The following DNAH9 variants were observed in gnomAD, a reference collection of about 807,000 sequenced individuals.
The protein encoded by DNAH9 is DNAH9 variant protein.
Under a neutral mutation model 471.6 loss-of-function variants are expected in DNAH9, and 345 were observed. The observed-to-expected ratio is 0.73, with a 90% CI of 0.67 to 0.80. DNAH9 has a LOEUF of 0.80. Ranked by LOEUF, DNAH9 falls within the 30% of genes least tolerant of loss-of-function variation. DNAH9 has a pLI of 0.00. For missense variants in DNAH9, 5,407 were observed against 5,609.2 expected, an observed-to-expected ratio of 0.96 and a Z score of 1.15; for synonymous variants, 2,093 against 2,123.6, an observed-to-expected ratio of 0.99 and a Z score of 0.40.
intron 67 of DNAH9, among the ~76,000 whole-genome samples, chr17:11,954,595 C>T (rs1975544551): frequency 6.6e-6 from 1 of 151,392 alleles, no homozygotes; most frequent in African/African-American, 2.4e-5. Context: ...AAATAGCTTT[C>T]AAAAAAGAAA....
rs2072769948 is a variant in DNAH9, at chr17:11,617,464, CTGGAAGCTCT to C, written c.959_968del (p.Leu320ArgfsTer9). 6.2e-7 allele frequency: 1 copy of C among 1,614,104 alleles called. No individual in the cohort carries two copies. The highest frequency in any genetic ancestry group is 1.3e-5 in the African/African-American group (1 of 74,944). ...GCACCTGATACCGCTCCAGCGCCAC[CTGGAAGCTCT>C]GGAGAATGCAGAATTTCCGGAGGTG... On this transcript the variant is annotated frameshift_variant, in exon 5 of 69. Transcript: ENST00000262442. LOFTEE classifies it high-confidence loss of function.
chr17:11,685,801 A>ATTT (rs66577382), intron 19 of DNAH9, among the ~76,000 whole-genome samples: 28 of 123,582 alleles, frequency 2.3e-4, no homozygotes, highest in East Asian at 5.0e-4. Flanking sequence ...GGATACATTA[A>ATTT]TTTTTTTTTT....
At chr17:11,770,011 G>A (rs1476049039) in intron 38 of DNAH9, among the ~76,000 whole-genome samples, 1 of 152,228 alleles carries the variant, frequency 6.6e-6, no homozygotes, top group Non-Finnish European at 1.5e-5. Flanking sequence ...TGAGGGGAGA[G>A]GCAGGGCTGG....
At chr17:11,863,557 C>T (rs1241759990) in intron 50 of DNAH9, among the ~76,000 whole-genome samples, 1 of 151,926 alleles carries the variant, frequency 6.6e-6, no homozygotes, top group Non-Finnish European at 1.5e-5. Context: ...GGGAGGATTC[C>T]CTCTTTTTCT....
intron 44 of DNAH9, among the ~76,000 whole-genome samples, chr17:11,809,921 A>C (rs892652888): frequency 6.6e-6 from 1 of 152,140 alleles, no homozygotes; most frequent in African/African-American, 2.4e-5. Context: ...CTCTTTGCAC[A>C]AAGCAGGAGC....
chr17:11,713,757 A>T (rs926967806), intron 26 of DNAH9, among the ~76,000 whole-genome samples: 1 of 152,152 alleles, frequency 6.6e-6, no homozygotes, highest in African/African-American at 2.4e-5. Context: ...CATTCTACTC[A>T]TTTACTACCC....
At chr17:11,780,815 A>G (rs1185343074) in intron 38 of DNAH9, among the ~76,000 whole-genome samples, 194 bp from the exon 39 acceptor site, 3 of 152,208 alleles carry the variant, frequency 2.0e-5, no homozygotes, top group Admixed American at 1.3e-4. Flanking sequence ...CTGCCTAGTA[A>G]TTTCAGTTTC....
At chr17:11,687,819 C>A (rs1422259148) in intron 19 of DNAH9, among the ~76,000 whole-genome samples, 1 of 151,950 alleles carries the variant, frequency 6.6e-6, no homozygotes, top group Non-Finnish European at 1.5e-5. Flanking sequence ...AACACTAGGG[C>A]TATGAGTGCC....
chr17:11,800,687 G>A lies in DNAH9; in HGVS notation c.8420+2894G>A, dbSNP rs559432808. Among the ~76,000 whole-genome samples, 9 of 152,200 alleles carry A rather than the reference G, an allele frequency of 5.9e-5. No homozygotes were observed. The South Asian group carries it at 1.5e-3, about 25-fold the overall frequency. ...CACCTCTGTAGTGAGGTGACCACAC[G>A]TCTTGCTGAAGTCAGTTTTCACTGC... is the stretch of plus-strand genomic sequence containing the variant. On this transcript the variant is annotated intron_variant, in intron 43 of 68. Transcript: ENST00000262442.
chr17:11,735,690 C>T (rs1567760374), intron 28 of DNAH9, among the ~76,000 whole-genome samples: 4 of 152,194 alleles, frequency 2.6e-5, no homozygotes, highest in Non-Finnish European at 5.9e-5. Context: ...CCGCCTCGGC[C>T]TCCCAAAGTG....
At chr17:11,613,165 T>A (rs1292943101) in intron 4 of DNAH9, among the ~76,000 whole-genome samples, 1 of 152,198 alleles carries the variant, frequency 6.6e-6, no homozygotes, top group Non-Finnish European at 1.5e-5. Flanking sequence ...TGGGACCAAG[T>A]GTCTCTTGAG....
chr17:11,814,254 C>T (rs1339478033), intron 45 of DNAH9, among the ~76,000 whole-genome samples: 1 of 152,190 alleles, frequency 6.6e-6, no homozygotes, highest in East Asian at 1.9e-4. Context: ...GAATTATTCC[C>T]TGGCTTTCCA....
rs1287261324 is a variant in DNAH9 at position 11,892,718 on chromosome 17, T to G, written c.11283+771T>G. Among the ~76,000 whole-genome samples, 1 of 151,682 alleles carries G rather than the reference T, an allele frequency of 6.6e-6. No homozygotes were observed. The stretch of plus-strand genomic sequence containing the variant: ...GGTGTGCGCCACCAGGCCCAGCGAA[T>G]TTTTTTTGTATTTTAAGTAGAGATG... On this transcript the variant is annotated intron_variant, in intron 58 of 68. Coordinates refer to ENST00000262442, the MANE Select transcript of DNAH9 (RefSeq NM_001372.4). This position sits in a 1 kb window ranked among gnomAD's most constrained non-coding sequence, Gnocchi z 4.3.
chr17:11,905,048 A>G (rs1973543450), intron 60 of DNAH9, among the ~76,000 whole-genome samples: 1 of 151,928 alleles, frequency 6.6e-6, no homozygotes, highest in African/African-American at 2.4e-5. Context: ...CCTGGCCAAC[A>G]TGGTGAAACC....
intron 57 of DNAH9, among the ~76,000 whole-genome samples, chr17:11,888,130 C>T (rs1417721103): frequency 6.6e-6 from 1 of 151,712 alleles, no homozygotes; most frequent in Non-Finnish European, 1.5e-5. Context: ...CTACAGGTGC[C>T]CACCACCGCA....
rs749667802 is a variant in DNAH9, at chr17:11,834,645, A to G, written c.9254A>G (p.Asp3085Gly). Residue 3085 changes from aspartate (D) to glycine (G), a missense_variant, in exon 49 of 69, where the codon GAT becomes GGT. This residue lies in a region of DNAH9 where 4,636 missense variants were observed against 4,900.3 expected (regional missense o/e 0.95). Transcript: ENST00000262442. ...CGTGCTTCTCCAATGCAGGTGGATGATCTGAAAGCAAAGCTGGCTGCCCAG... is the reference window on the plus strand; with the variant it reads ...CGTGCTTCTCCAATGCAGGTGGATGGTCTGAAAGCAAAGCTGGCTGCCCAG... ...KLHSTSAQVD[D>G]LKAKLAAQEV... The G allele has an allele frequency of 3.1e-6, 5 of 1,613,904 alleles. No homozygotes were observed. The highest frequency in any genetic ancestry group is 2.2e-5 in the South Asian group (2 of 91,032).
intron 45 of DNAH9, among the ~76,000 whole-genome samples, chr17:11,811,025 C>A (rs778426160): frequency 2.6e-5 from 4 of 152,152 alleles, no homozygotes; most frequent in Admixed American, 6.5e-5. Flanking sequence ...CGTATACCAA[C>A]AATCCCCCAC....
intron 29 of DNAH9, among the ~76,000 whole-genome samples, chr17:11,739,864 A>G (rs1168106530): frequency 6.6e-6 from 1 of 152,194 alleles, no homozygotes; most frequent in East Asian, 1.9e-4. Flanking sequence ...ACTTTTACCT[A>G]AGTGAGATAG....
rs1404986645 is a variant in DNAH9, at chr17:11,606,443, C to CTTTTTTTTTTTT, written c.418-1682_418-1681insTTTTTTTTTTTT. Among the ~76,000 whole-genome samples, 422 of 69,108 alleles carry CTTTTTTTTTTTT rather than the reference C, an allele frequency of 6.1e-3. 34 individuals carry two copies. The highest frequency in any genetic ancestry group is 0.013 in the East Asian group (23 of 1,730). 45.3% of individuals were successfully genotyped at this position (69,108 alleles called of 152,430 possible). On this transcript the variant is annotated intron_variant, in intron 1 of 68. Coordinates refer to ENST00000262442, the MANE Select transcript of DNAH9 (RefSeq NM_001372.4). ...CTGACAACTTTCTTTCTTTTCTTTT[C>CTTTTTTTTTTTT]TTTTCTTTTCTTTTTTTTTTTTTTG... is the stretch of plus-strand genomic sequence containing the variant.
Sources: allele counts gnomAD v4.1 joint callset (sites outside exome capture counted in the v4.1 genomes callset), GRCh38; gene constraint gnomAD v4.1.1; regional missense constraint gnomAD v4.1.1; non-coding constraint Gnocchi (gnomAD v3.1); transcripts MANE v1.5; gene names NCBI Gene and HGNC (gene_info 2026-07-23, HGNC 2026-07-21).